The following RSPO2 variants were observed in gnomAD, a reference collection of about 807,000 sequenced individuals.
RSPO2 encodes R-spondin-2.
A neutral mutation model predicts 30.9 loss-of-function variants in RSPO2; 14 were observed. That is an observed-to-expected ratio of 0.45 (90% CI 0.30 to 0.71). The LOEUF (loss-of-function observed/expected upper bound fraction) is 0.71. Among genes scored for constraint, RSPO2 ranks in the 30% least tolerant of loss-of-function variants. The pLI, the probability that RSPO2 is intolerant of heterozygous loss-of-function variation, is 0.08. For missense variants in RSPO2, 264 were observed against 301.9 expected (o/e 0.87, Z 0.93); for synonymous variants, 107 against 96.4 (o/e 1.11, Z -0.64).
intron 2 of RSPO2, among the ~76,000 whole-genome samples, chr8:108,040,621 G>A (rs1811726161): frequency 6.6e-6 from 1 of 152,134 alleles, no homozygotes; most frequent in Admixed American, 6.6e-5. Context: ...CAAAATCTGA[G>A]CAAGAGAACA....
intron 2 of RSPO2, among the ~76,000 whole-genome samples, chr8:108,064,371 C>T (rs74665358): frequency 0.048 from 7,231 of 152,204 alleles, 354 homozygotes; most frequent in African/African-American, 0.12. Flanking sequence ...AGGATATGAA[C>T]AGATACTTCT....
At chr8:107,987,232 C>A (rs1292824310) in intron 3 of RSPO2, among the ~76,000 whole-genome samples, 10 of 152,018 alleles carry the variant, frequency 6.6e-5, no homozygotes, top group Non-Finnish European at 1.5e-4. Flanking sequence ...CAAAAAAAAT[C>A]ATCAGAACAA....
chr8:108,044,844 A>T (rs1811865772), intron 2 of RSPO2, among the ~76,000 whole-genome samples: 1 of 152,118 alleles, frequency 6.6e-6, no homozygotes, highest in South Asian at 2.1e-4. Context: ...TTCCCTACTA[A>T]ATAAATGATG....
chr8:107,914,125 A>T (rs1811904572), intron 5 of RSPO2, among the ~76,000 whole-genome samples: 1 of 152,152 alleles, frequency 6.6e-6, no homozygotes, highest in Non-Finnish European at 1.5e-5. Context: ...GGAGATTGAC[A>T]TATAAAGAGT....
chr8:108,005,180 G>C (rs1815410618), intron 2 of RSPO2, among the ~76,000 whole-genome samples: 1 of 152,048 alleles, frequency 6.6e-6, no homozygotes, highest in Admixed American at 6.6e-5. Flanking sequence ...GTTTTTTTCT[G>C]TGCATCATCT....
intron 3 of RSPO2, among the ~76,000 whole-genome samples, chr8:107,986,539 C>CTA (rs1814639664): frequency 6.6e-6 from 1 of 152,172 alleles, no homozygotes; most frequent in South Asian, 2.1e-4. Flanking sequence ...CATTGATATA[C>CTA]TACAAAGTAT....
chr8:107,999,594 C>T, intron 2 of RSPO2, among the ~76,000 whole-genome samples: 1 of 152,046 alleles, frequency 6.6e-6, no homozygotes, highest in Admixed American at 6.6e-5. Flanking sequence ...GCCACCACAC[C>T]CAGCTAATTT....
At chr8:107,907,524 T>TTA (rs1447604386) in intron 5 of RSPO2, among the ~76,000 whole-genome samples, 2 of 152,094 alleles carry the variant, frequency 1.3e-5, no homozygotes, top group African/African-American at 2.4e-5. Flanking sequence ...AAAGGGTCAC[T>TTA]TAGTCATTTC....
intron 2 of RSPO2, among the ~76,000 whole-genome samples, chr8:108,036,354 G>T (rs1811594273): frequency 6.6e-6 from 1 of 152,178 alleles, no homozygotes; most frequent in Admixed American, 6.5e-5. Context: ...TTACAGCATG[G>T]TTTACTGAAA....
chr8:108,064,955 G>T (rs1180461251), intron 2 of RSPO2, among the ~76,000 whole-genome samples: 1 of 152,010 alleles, frequency 6.6e-6, no homozygotes, highest in Non-Finnish European at 1.5e-5. Flanking sequence ...CTCACTCATA[G>T]TTGGGAACTG....
rs576024972 is a variant in RSPO2, at chr8:107,899,985, G to A, written c.*1090C>T. On this transcript the variant is annotated 3_prime_UTR_variant, in exon 6 of 6. Coordinates refer to ENST00000276659, the MANE Select transcript of RSPO2 (RefSeq NM_178565.5). Reference sequence around the variant, plus strand: ...TTCAGTGACCCAAGAACATTGGTAGGTGCCTTGTCATTTAAAGCCAGGGAT... The same window carrying A: ...TTCAGTGACCCAAGAACATTGGTAGATGCCTTGTCATTTAAAGCCAGGGAT... 3.3e-5 allele frequency: 5 copies of A among 152,158 alleles called. No homozygotes were observed. Among genetic ancestry groups the A allele is most frequent in the Non-Finnish European group, 7.3e-5 (5 of 68,040 alleles). 9.4% of individuals were successfully genotyped at this position (152,158 alleles called of 1,614,324 possible).
chr8:107,902,720 C>T lies in RSPO2; in HGVS notation c.617-1530G>A, dbSNP rs1265783334. Among the ~76,000 whole-genome samples, 3 of 151,882 alleles carry T rather than the reference C, an allele frequency of 2.0e-5. No individual in the cohort carries two copies. In the East Asian group the frequency reaches 5.8e-4, roughly 29 times the overall value. ...CCTAGCACAGTGACTGGCACTTAGT[C>T]GATAGTCAATAAACATTTGCTGAGC... On this transcript the variant is annotated intron_variant, in intron 5 of 5. Coordinates refer to ENST00000276659, the MANE Select transcript of RSPO2 (RefSeq NM_178565.5).
intron 2 of RSPO2, among the ~76,000 whole-genome samples, chr8:108,055,505 G>A (rs1488201490): frequency 2.0e-5 from 3 of 152,212 alleles, no homozygotes; most frequent in Non-Finnish European, 2.9e-5. Flanking sequence ...AGAAAGATCA[G>A]TGGGAAGGCC....
chr8:107,949,075 T>G (rs1563534502), intron 5 of RSPO2, among the ~76,000 whole-genome samples: 1 of 151,698 alleles, frequency 6.6e-6, no homozygotes, highest in Non-Finnish European at 1.5e-5. Context: ...TGAAATAAGT[T>G]ATTTAGTGGT....
intron 2 of RSPO2, among the ~76,000 whole-genome samples, chr8:108,046,869 C>T (rs577350022): frequency 1.3e-5 from 2 of 152,148 alleles, no homozygotes; most frequent in East Asian, 3.9e-4. Context: ...GTTGTGCAGG[C>T]AAAACACCTT....
Position 108,083,326 on chromosome 8 carries a change from C to G in RSPO2, c.-299G>C, listed in dbSNP as rs369735694. The stretch of plus-strand genomic sequence containing the variant: ...GAGACCGGCTGGGAGCGCCTGGCAG[C>G]TCTGGAATTCCAGCGGCCGCCGCGG... On this transcript the variant is annotated 5_prime_UTR_variant, in exon 1 of 6. Transcript: ENST00000276659. 6.6e-6 allele frequency: 1 copy of G among 152,276 alleles called. No homozygotes were observed. 9.4% of individuals were successfully genotyped at this position (152,276 alleles called of 1,614,324 possible).
At chr8:107,913,368 C>G (rs766563438) in intron 5 of RSPO2, among the ~76,000 whole-genome samples, 17 of 152,132 alleles carry the variant, frequency 1.1e-4, no homozygotes, top group Non-Finnish European at 2.2e-4. Context: ...TAAAATGAAG[C>G]CTGGGGCCAT....
At chr8:108,059,268 C>T (rs1300899538) in intron 2 of RSPO2, among the ~76,000 whole-genome samples, 1 of 151,760 alleles carries the variant, frequency 6.6e-6, no homozygotes, top group Non-Finnish European at 1.5e-5. Context: ...CCATCACTGG[C>T]CATCAGAGAA....
At chr8:107,999,509 A>G (rs1815154421) in intron 2 of RSPO2, among the ~76,000 whole-genome samples, 1 of 152,300 alleles carries the variant, frequency 6.6e-6, no homozygotes, top group South Asian at 2.1e-4. Flanking sequence ...ATGTTGGCTC[A>G]CTGCAACCTC....
Sources: gnomAD v4.1 joint callset for allele counts (sites outside exome capture counted in the v4.1 genomes callset) on GRCh38, gnomAD v4.1.1 for gene constraint, MANE v1.5 for transcripts, NCBI Gene and HGNC (gene_info 2026-07-23, HGNC 2026-07-21) for gene names.